The following SNAP29 variants were observed in gnomAD, a reference collection of about 807,000 sequenced individuals.
SNAP29 encodes synaptosomal-associated protein 29.
A neutral mutation model predicts 27.9 loss-of-function variants in SNAP29; 13 were observed. The ratio of observed to expected loss-of-function variants is 0.47; its 90% CI spans 0.30 to 0.74. SNAP29 has a LOEUF of 0.74. Ranked by LOEUF, SNAP29 falls within the 30% of genes least tolerant of loss-of-function variation. The pLI, the probability that SNAP29 is intolerant of heterozygous loss-of-function variation, is 0.06. For synonymous variants in SNAP29, 119 were observed against 127.1 expected, an observed-to-expected ratio of 0.94 and a Z score of 0.43; for missense variants, 368 against 336.5, an observed-to-expected ratio of 1.09 and a Z score of -0.73.
At chr22:20,872,241 A>G (rs530541968) in intron 2 of SNAP29, among the ~76,000 whole-genome samples, 1 of 150,060 alleles carries the variant, frequency 6.7e-6, no homozygotes, top group African/African-American at 2.4e-5. Context: ...TTTTTATTTT[A>G]TTTATTTATT....
chr22:20,883,183 C>T (rs745773659), intron 3 of SNAP29, among the ~76,000 whole-genome samples: 2 of 152,126 alleles, frequency 1.3e-5, no homozygotes, highest in Admixed American at 6.5e-5. Flanking sequence ...TTGTGTGACT[C>T]TGTCTTTCCT....
intron 3 of SNAP29, among the ~76,000 whole-genome samples, chr22:20,881,375 C>T (rs186811886): frequency 6.6e-6 from 1 of 152,266 alleles, no homozygotes; most frequent in Non-Finnish European, 1.5e-5. Context: ...GAGAGGAGAA[C>T]AAGGAAGTGA....
At chr22:20,866,547 G>C (rs891612407) in intron 1 of SNAP29, among the ~76,000 whole-genome samples, 1 of 152,040 alleles carries the variant, frequency 6.6e-6, no homozygotes, top group South Asian at 2.1e-4. Context: ...TCTCGGTCAC[G>C]GAAGCCCACC....
chr22:20,867,930 C>T (rs1928498489), intron 1 of SNAP29, among the ~76,000 whole-genome samples: 2 of 152,140 alleles, frequency 1.3e-5, no homozygotes, highest in Non-Finnish European at 2.9e-5. Flanking sequence ...GACCTCCCTC[C>T]TAATGTGACA....
At chr22:20,867,674 A>G (rs1376114909) in intron 1 of SNAP29, among the ~76,000 whole-genome samples, 2 of 152,204 alleles carry the variant, frequency 1.3e-5, no homozygotes, top group East Asian at 1.9e-4. Flanking sequence ...CCAGCCTCAC[A>G]GGCAAGATAA....
chr22:20,890,590 T>C lies in SNAP29; in HGVS notation c.*2754T>C. The C allele has an allele frequency of 3.4e-6, 1 of 295,984 alleles. No individual in the cohort carries two copies. Among genetic ancestry groups the C allele is most frequent in the Non-Finnish European group, 6.1e-6 (1 of 162,858 alleles). The allele number at this position is 295,984 out of a possible 1,614,324, so 18.3% of individuals were successfully genotyped here. The stretch of plus-strand genomic sequence containing the variant: ...GGCTAACACGGTGAAACCCCATCTC[T>C]ACTAAAAACACACAAAAAATTAGCT... On this transcript the variant is annotated 3_prime_UTR_variant, in exon 5 of 5. Transcript: ENST00000215730.
intron 1 of SNAP29, among the ~76,000 whole-genome samples, chr22:20,861,118 G>GTGTTTT: frequency 8.2e-6 from 1 of 121,816 alleles, no homozygotes; most frequent in East Asian, 2.6e-4. Flanking sequence ...CCTCCCTGTG[G>GTGTTTT]TTTTTTTTTT....
intron 4 of SNAP29, among the ~76,000 whole-genome samples, chr22:20,885,633 G>A (rs907429468): frequency 1.3e-5 from 2 of 152,328 alleles, no homozygotes; most frequent in African/African-American, 2.4e-5. Context: ...ACTGCATTCA[G>A]AGGCAGGAAG....
chr22:20,876,884 G>A (rs1043998469), intron 2 of SNAP29, among the ~76,000 whole-genome samples: 1 of 152,124 alleles, frequency 6.6e-6, no homozygotes, highest in East Asian at 1.9e-4. Context: ...TGCATTTCCT[G>A]TGTACATCAT....
At position 20,888,612 on chromosome 22, in the gene SNAP29, A is replaced by C. The variant is rs1929081666; in HGVS notation, c.*776A>C. 6.5e-6 allele frequency: 1 copy of C among 153,116 alleles called. No homozygotes were observed. 9.5% of individuals were successfully genotyped at this position (153,116 alleles called of 1,614,324 possible). A position where few individuals can be genotyped will look rare whatever the true frequency, so the allele number is the denominator to read the frequency against. On this transcript the variant is annotated 3_prime_UTR_variant, in exon 5 of 5. Transcript: ENST00000215730. ...CTGTAACTCTCCATCTGTGATTTGCAACAGGTCTTCCACTGGCTCGAGGCT... is the reference window on the plus strand; with the variant it reads ...CTGTAACTCTCCATCTGTGATTTGCCACAGGTCTTCCACTGGCTCGAGGCT...
intron 1 of SNAP29, among the ~76,000 whole-genome samples, chr22:20,866,045 G>C (rs955824057): frequency 5.9e-5 from 9 of 152,212 alleles, no homozygotes; most frequent in Non-Finnish European, 1.0e-4. Flanking sequence ...GCTCACTTGA[G>C]CAAGGACACT....
chr22:20,868,925 C>T (rs1211619857), intron 1 of SNAP29, among the ~76,000 whole-genome samples: 1 of 152,234 alleles, frequency 6.6e-6, no homozygotes, highest in Non-Finnish European at 1.5e-5. Context: ...GCATCACTCA[C>T]GTCTCCATTG....
intron 1 of SNAP29, among the ~76,000 whole-genome samples, chr22:20,861,611 T>G (rs1928322175): frequency 6.6e-6 from 1 of 151,992 alleles, no homozygotes; most frequent in South Asian, 2.1e-4. Flanking sequence ...CTAATTTTTT[T>G]GTTTTTGTTT....
In SNAP29 at chr22:20,890,243, C is replaced by G. The variant is rs186251828; in HGVS notation, c.*2407C>G. Reference sequence around the variant, plus strand: ...GGAAGACGTAACATGGCTCCAGAAACTTTTCACATGATGATTGGGATCGAC... The same window carrying G: ...GGAAGACGTAACATGGCTCCAGAAAGTTTTCACATGATGATTGGGATCGAC... On this transcript the variant is annotated 3_prime_UTR_variant, in exon 5 of 5. Coordinates refer to ENST00000215730, the MANE Select transcript of SNAP29 (RefSeq NM_004782.4). 8.0e-5 allele frequency: 32 copies of G among 398,528 alleles called. No homozygotes were observed. The East Asian group carries it at 1.1e-3, about 13-fold the overall frequency. 24.7% of individuals were successfully genotyped at this position (398,528 alleles called of 1,614,324 possible).
At position 20,861,354 on chromosome 22, in the gene SNAP29, C is replaced by T. The variant is rs994630047; in HGVS notation, c.237+2007C>T. ...GTCTCGATCTCTTGACCTCGTGATCCACCACCTCGGCCTCCCAAAGTCCTG... is the reference window on the plus strand; with the variant it reads ...GTCTCGATCTCTTGACCTCGTGATCTACCACCTCGGCCTCCCAAAGTCCTG... On this transcript the variant is annotated intron_variant, in intron 1 of 4. Transcript: ENST00000215730. Among the ~76,000 whole-genome samples, 35 of 151,804 alleles carry T rather than the reference C, an allele frequency of 2.3e-4. 1 individual carries two copies. Among genetic ancestry groups the T allele is most frequent in the Admixed American group, 2.3e-3 (35 of 15,252 alleles).
chr22:20,864,233 G>A (rs571644428), intron 1 of SNAP29, among the ~76,000 whole-genome samples: 6 of 152,226 alleles, frequency 3.9e-5, no homozygotes, highest in East Asian at 1.9e-4. Flanking sequence ...GGGTTGGAAC[G>A]GCTGGCACAG....
At chr22:20,860,371 C>T (rs1042228950) in intron 1 of SNAP29, among the ~76,000 whole-genome samples, 1 of 133,912 alleles carries the variant, frequency 7.5e-6, no homozygotes, top group Non-Finnish European at 1.6e-5. Context: ...TTTTCTTTTT[C>T]TTTTTTTTTT....
At chr22:20,859,844 T>C (rs947146952) in intron 1 of SNAP29, among the ~76,000 whole-genome samples, 5 of 152,178 alleles carry the variant, frequency 3.3e-5, no homozygotes, top group African/African-American at 1.2e-4. Context: ...TCCCGCATCA[T>C]TGACATCTCC....
intron 2 of SNAP29, among the ~76,000 whole-genome samples, chr22:20,875,877 G>T (rs994841309): frequency 2.6e-5 from 4 of 152,020 alleles, no homozygotes; most frequent in African/African-American, 7.2e-5. Context: ...AAATGGGGGG[G>T]CGGCTGGGTG....
Sources: gnomAD v4.1 joint callset for allele counts (sites outside exome capture counted in the v4.1 genomes callset) on GRCh38, gnomAD v4.1.1 for gene constraint, MANE v1.5 for transcripts, NCBI Gene and HGNC (gene_info 2026-07-23, HGNC 2026-07-21) for gene names.